Variants in DNMBP observed in about 807,000 individuals in gnomAD.
The protein encoded by DNMBP is dynamin-binding protein.
A neutral mutation model predicts 150.0 loss-of-function variants in DNMBP; 87 were observed. The ratio of observed to expected loss-of-function variants is 0.58; its 90% CI spans 0.49 to 0.69. The LOEUF is 0.69. Ranked by LOEUF, DNMBP falls within the 30% of genes least tolerant of loss-of-function variation. DNMBP has a pLI of 0.00. For missense variants in DNMBP, 1,774 were observed against 1,949.0 expected, an observed-to-expected ratio of 0.91 and a Z score of 1.69; for synonymous variants, 711 against 750.4, an observed-to-expected ratio of 0.95 and a Z score of 0.86.
chr10:99,898,838 C>A (rs1483326939), intron 7 of DNMBP, 78 bp from the exon 8 acceptor site: 1 of 1,355,580 alleles, frequency 7.4e-7, no homozygotes, highest in South Asian at 1.2e-5. Flanking sequence ...TTTCTCAGAA[C>A]ATAAATCATG....
At chr10:99,891,781 C>T (rs1164114395) in intron 11 of DNMBP, among the ~76,000 whole-genome samples, 26 of 150,624 alleles carry the variant, frequency 1.7e-4, no homozygotes, top group Non-Finnish European at 2.7e-4. Flanking sequence ...CGTCTCTGCC[C>T]GGCCGCCCAT....
At chr10:99,968,925 T>C (rs2040647345) in intron 3 of DNMBP, among the ~76,000 whole-genome samples, 190 bp downstream of exon 3, 1 of 152,120 alleles carries the variant, frequency 6.6e-6, no homozygotes, top group Non-Finnish European at 1.5e-5. Context: ...AATATATTTG[T>C]GAGAAAATAC....
chr10:99,889,078 C>A, intron 11 of DNMBP, 125 bp from the exon 12 acceptor site: 2 of 1,126,954 alleles, frequency 1.8e-6, no homozygotes, highest in Non-Finnish European at 2.5e-6. Context: ...TCTAACTAGT[C>A]TGGTATTTTA....
chr10:99,948,725 G>GGC (rs2040386325), intron 4 of DNMBP, among the ~76,000 whole-genome samples: 1 of 152,120 alleles, frequency 6.6e-6, no homozygotes, highest in Non-Finnish European at 1.5e-5. Flanking sequence ...CACTTTGGGA[G>GGC]GCCAAGGCAG....
At chr10:99,974,530 G>A (rs1414878993) in intron 1 of DNMBP, among the ~76,000 whole-genome samples, 1 of 152,056 alleles carries the variant, frequency 6.6e-6, no homozygotes, top group Non-Finnish European at 1.5e-5. Context: ...TTTAGAGATG[G>A]GGTCTTGCTC....
chr10:100,001,413 G>GGT (rs2041010930), intron 1 of DNMBP, among the ~76,000 whole-genome samples: 1 of 111,270 alleles, frequency 9.0e-6, no homozygotes, highest in Non-Finnish European at 1.7e-5. Flanking sequence ...TGTTGTTGTT[G>GGT]TTTTTTTTTT....
At chr10:99,896,961 T>C (rs2039665217) in intron 9 of DNMBP, among the ~76,000 whole-genome samples, 1 of 152,190 alleles carries the variant, frequency 6.6e-6, no homozygotes, top group Non-Finnish European at 1.5e-5. Flanking sequence ...AGTTGGAGAC[T>C]ACATCGCATT....
intron 3 of DNMBP, among the ~76,000 whole-genome samples, chr10:99,966,297 GTC>G (rs1438007840): frequency 1.3e-5 from 2 of 152,192 alleles, no homozygotes; most frequent in African/African-American, 4.8e-5. Flanking sequence ...TCTCATTCTA[GTC>G]TCTCTTTCCC....
At chr10:100,003,114 C>T (rs2041033999) in intron 1 of DNMBP, among the ~76,000 whole-genome samples, 1 of 152,070 alleles carries the variant, frequency 6.6e-6, no homozygotes, top group Non-Finnish European at 1.5e-5. Context: ...CTTTGGGAGG[C>T]CAAGGCACGT....
At chr10:99,968,672 A>T (rs1379030448) in intron 3 of DNMBP, among the ~76,000 whole-genome samples, 2 of 143,632 alleles carry the variant, frequency 1.4e-5, no homozygotes, top group Admixed American at 7.2e-5. Context: ...TGGGCAACAG[A>T]GTGAGACTAC....
chr10:99,883,256 T>TG (rs2039397478), intron 15 of DNMBP, among the ~76,000 whole-genome samples: 1 of 152,134 alleles, frequency 6.6e-6, no homozygotes, highest in Admixed American at 6.6e-5. Context: ...CCAAAAAAGT[T>TG]GTAAGCTGTT....
At position 99,885,778 on chromosome 10, in the gene DNMBP, G is replaced by A; in HGVS notation, c.3707C>T (p.Thr1236Ile). ...AGCTGGAAGAGACTCCGGGAAGAAG[G>A]TAAAAACCTGGAGTTGCTGCAGAAC... ...SRVLQQLQVF[T>I]FFPESLPATK... Residue 1236 changes from threonine (T) to isoleucine (I), a missense_variant, in exon 14 of 17, where the codon ACC becomes ATC. Physicochemically the swap from Thr to Ile is moderately conservative, Grantham distance 89 (BLOSUM62 -1). This residue lies in a region of DNMBP where 1,430 missense variants were observed against 1,492.5 expected (regional missense o/e 0.96). Coordinates refer to ENST00000324109, the MANE Select transcript of DNMBP (RefSeq NM_015221.4). 6.2e-7 allele frequency: 1 copy of A among 1,611,376 alleles called. No individual in the cohort carries two copies. Among genetic ancestry groups the A allele is most frequent in the Non-Finnish European group, 8.5e-7 (1 of 1,178,828 alleles).
In DNMBP at chr10:99,956,391, G is replaced by A. The variant is rs370818390; in HGVS notation, c.1083C>T (p.Leu361=). Reference sequence around the variant, plus strand: ...TGTCATACTCTGAAGTCAGATGACCGAGGGGAGAAGTGGGTGCTTCAGAAA... The same window carrying A: ...TGTCATACTCTGAAGTCAGATGACCAAGGGGAGAAGTGGGTGCTTCAGAAA... ...CIISEAPTSP[L]GHLTSEYDTD... The change falls in exon 4 of 17, where the codon CTC becomes CTT. Residue 361 remains leucine, a synonymous_variant. Coordinates refer to ENST00000324109, the MANE Select transcript of DNMBP (RefSeq NM_015221.4). 55 of 1,613,888 alleles carry A rather than the reference G, an allele frequency of 3.4e-5. No individual in the cohort carries two copies. In the African/African-American group the frequency reaches 6.4e-4, roughly 19 times the overall value.
At chr10:99,926,258 T>G (rs1039129657) in intron 4 of DNMBP, among the ~76,000 whole-genome samples, 32 of 152,204 alleles carry the variant, frequency 2.1e-4, no homozygotes, top group African/African-American at 7.7e-4. Flanking sequence ...CAAAAACACT[T>G]TACAAGATTT....
At chr10:99,975,463 A>T (rs887872051) in intron 1 of DNMBP, among the ~76,000 whole-genome samples, 5 of 152,208 alleles carry the variant, frequency 3.3e-5, no homozygotes, top group African/African-American at 7.2e-5. Flanking sequence ...AGAAGATGTT[A>T]ATAAATCATG....
At chr10:99,923,838 C>A (rs1446321640) in intron 4 of DNMBP, among the ~76,000 whole-genome samples, 1 of 152,190 alleles carries the variant, frequency 6.6e-6, no homozygotes, top group Non-Finnish European at 1.5e-5. Context: ...TCCCTACAGT[C>A]TTTTCTAATA....
At chr10:99,986,253 T>A (rs746255378) in intron 1 of DNMBP, among the ~76,000 whole-genome samples, 5 of 152,140 alleles carry the variant, frequency 3.3e-5, no homozygotes, top group Non-Finnish European at 7.4e-5. Flanking sequence ...TGTGTCCCTA[T>A]AATTCCAGTT....
chr10:99,982,681 G>A (rs985338115), intron 1 of DNMBP, among the ~76,000 whole-genome samples: 1 of 151,634 alleles, frequency 6.6e-6, no homozygotes, highest in African/African-American at 2.4e-5. Flanking sequence ...GGCTGGGCAC[G>A]GTGGCTCACG....
intron 4 of DNMBP, among the ~76,000 whole-genome samples, chr10:99,912,485 GC>G (rs914811383): frequency 6.6e-6 from 1 of 151,994 alleles, no homozygotes; most frequent in Non-Finnish European, 1.5e-5. Context: ...CTTCCCCTGT[GC>G]CCCCACCCCC....
Sources: allele counts gnomAD v4.1 joint callset (sites outside exome capture counted in the v4.1 genomes callset), GRCh38; gene constraint gnomAD v4.1.1; regional missense constraint gnomAD v4.1.1; transcripts MANE v1.5; gene names NCBI Gene and HGNC (gene_info 2026-07-23, HGNC 2026-07-21).